TRAPPC9: variants seen among roughly 807,000 people sequenced by gnomAD.
TRAPPC9 encodes IKK2 binding protein.
A neutral mutation model predicts 124.0 loss-of-function variants in TRAPPC9; 83 were observed. The ratio of observed to expected loss-of-function variants is 0.67; its 90% CI spans 0.56 to 0.80. The LOEUF (loss-of-function observed/expected upper bound fraction) is 0.80. Among genes scored for constraint, TRAPPC9 ranks in the 30% least tolerant of loss-of-function variants. The pLI, the probability that TRAPPC9 is intolerant of heterozygous loss-of-function variation, is 0.00. For synonymous variants in TRAPPC9, 638 were observed against 617.5 expected, an observed-to-expected ratio of 1.03 and a Z score of -0.49; for missense variants, 1,302 against 1,508.3, an observed-to-expected ratio of 0.86 and a Z score of 2.27.
intron 21 of TRAPPC9, among the ~76,000 whole-genome samples, chr8:139,819,082 G>A (rs919769998): frequency 2.6e-5 from 4 of 152,174 alleles, no homozygotes; most frequent in African/African-American, 4.8e-5. Flanking sequence ...ACCCCACATC[G>A]TTTGTATTCC....
chr8:139,757,462 A>G (rs1819924392), intron 21 of TRAPPC9, among the ~76,000 whole-genome samples: 4 of 149,366 alleles, frequency 2.7e-5, no homozygotes, highest in South Asian at 4.3e-4. Context: ...TGAGGACAGC[A>G]GGTCGCAGGA....
At chr8:139,941,245 G>A (rs1223881476) in intron 19 of TRAPPC9, among the ~76,000 whole-genome samples, 4 of 152,200 alleles carry the variant, frequency 2.6e-5, no homozygotes, top group African/African-American at 4.8e-5. Context: ...CAGTCCACAC[G>A]CACCATGACC....
intron 17 of TRAPPC9, among the ~76,000 whole-genome samples, chr8:140,128,102 A>G (rs2061131373): frequency 6.6e-6 from 1 of 152,246 alleles, no homozygotes; most frequent in Non-Finnish European, 1.5e-5. Context: ...CAAAAGTTAG[A>G]ATTTACAATT....
intron 21 of TRAPPC9, among the ~76,000 whole-genome samples, chr8:139,744,747 T>G (rs76369947): frequency 6.8e-4 from 104 of 152,330 alleles, no homozygotes; most frequent in Non-Finnish European, 1.3e-3. Context: ...GGGAGGGCGG[T>G]GGTGCTGGCC....
intron 9 of TRAPPC9, among the ~76,000 whole-genome samples, chr8:140,329,048 GA>G (rs2066822575): frequency 6.6e-6 from 1 of 152,116 alleles, no homozygotes; most frequent in African/African-American, 2.4e-5. Flanking sequence ...GGGTAACTAG[GA>G]AAGTATACCG....
chr8:139,832,655 C>A (rs1826067433), intron 21 of TRAPPC9, among the ~76,000 whole-genome samples: 1 of 152,174 alleles, frequency 6.6e-6, no homozygotes, highest in African/African-American at 2.4e-5. Context: ...AGCACAGAGG[C>A]CTTCCCTCTG....
intron 18 of TRAPPC9, among the ~76,000 whole-genome samples, chr8:140,013,606 C>T (rs11997979): frequency 0.05 from 7,614 of 152,222 alleles, 613 homozygotes; most frequent in African/African-American, 0.17. Flanking sequence ...CTTCAGGATC[C>T]GCTGAGGTCA....
intron 16 of TRAPPC9, among the ~76,000 whole-genome samples, chr8:140,238,159 A>C (rs1379962269): frequency 2.0e-5 from 3 of 152,262 alleles, no homozygotes; most frequent in African/African-American, 7.2e-5. Context: ...TCAGTGGTCC[A>C]GGAGACGTCG....
intron 17 of TRAPPC9, among the ~76,000 whole-genome samples, chr8:140,070,508 C>T (rs1367298352): frequency 6.6e-6 from 1 of 152,124 alleles, no homozygotes; most frequent in Non-Finnish European, 1.5e-5. Flanking sequence ...ATTTTTCTTT[C>T]AATAATCGAC....
intron 20 of TRAPPC9, among the ~76,000 whole-genome samples, chr8:139,886,576 C>T (rs1020799877): frequency 6.6e-6 from 1 of 152,148 alleles, no homozygotes; most frequent in Non-Finnish European, 1.5e-5. Flanking sequence ...GATCTGTAAA[C>T]CTCTTTCCCT....
At chr8:139,994,898 G>C (rs375903469) in intron 18 of TRAPPC9, among the ~76,000 whole-genome samples, 4 of 151,912 alleles carry the variant, frequency 2.6e-5, no homozygotes, top group African/African-American at 7.2e-5. Flanking sequence ...AAGGTCATGG[G>C]GAAATACTCA....
chr8:140,277,580 G>A (rs994099713), intron 14 of TRAPPC9, among the ~76,000 whole-genome samples: 2 of 152,260 alleles, frequency 1.3e-5, no homozygotes, highest in African/African-American at 4.8e-5. Flanking sequence ...GGCAGTCACA[G>A]GGCCTGGGCC....
At chr8:139,888,622 C>T (rs1027763046) in intron 20 of TRAPPC9, among the ~76,000 whole-genome samples, 4 of 152,292 alleles carry the variant, frequency 2.6e-5, no homozygotes, top group African/African-American at 7.2e-5. Context: ...CTTACTCTCG[C>T]GCAAGCAATT....
intron 21 of TRAPPC9, among the ~76,000 whole-genome samples, chr8:139,840,978 T>A (rs147633735): frequency 6.6e-6 from 1 of 152,168 alleles, no homozygotes; most frequent in Non-Finnish European, 1.5e-5. Context: ...TAGTTTCCTA[T>A]TGCTGTGGTT....
At chr8:140,369,521 T>C (rs1294800999) in intron 8 of TRAPPC9, among the ~76,000 whole-genome samples, 2 of 152,208 alleles carry the variant, frequency 1.3e-5, no homozygotes, top group African/African-American at 4.8e-5. Context: ...AGGAGAAACA[T>C]AATGTTTAAT....
At chr8:139,865,669 C>A (rs1828479096) in intron 21 of TRAPPC9, among the ~76,000 whole-genome samples, 1 of 152,144 alleles carries the variant, frequency 6.6e-6, no homozygotes, top group African/African-American at 2.4e-5. Flanking sequence ...GCCACCCCTT[C>A]CCTCCCCAAA....
chr8:139,870,979 G>A lies in TRAPPC9; in HGVS notation c.3055+14900C>T, dbSNP rs73726689. Among the ~76,000 whole-genome samples the A allele has an allele frequency of 1.1e-3, 170 of 152,296 alleles. 1 individual carries two copies. The highest frequency in any genetic ancestry group is 3.6e-3 in the African/African-American group (149 of 41,572). On this transcript the variant is annotated intron_variant, in intron 21 of 22. Coordinates refer to ENST00000438773, the MANE Select transcript of TRAPPC9 (RefSeq NM_001160372.4). ...GTGGGGCAGTGCTGGGAGGCGGGCC[G>A]TCTCTCTTCGCTCCCACACTTACTC...
chr8:139,869,285 G>A (rs1053329649), intron 21 of TRAPPC9, among the ~76,000 whole-genome samples: 1 of 152,128 alleles, frequency 6.6e-6, no homozygotes. Context: ...AGGCAGGGGT[G>A]GTAGTTATAA....
chr8:139,963,321 G>A (rs1260793427), intron 19 of TRAPPC9, among the ~76,000 whole-genome samples: 1 of 152,146 alleles, frequency 6.6e-6, no homozygotes, highest in Non-Finnish European at 1.5e-5. Flanking sequence ...CCGGGCTACG[G>A]AAACAGCAGA....
Sources: allele counts gnomAD v4.1 joint callset (sites outside exome capture counted in the v4.1 genomes callset), GRCh38; gene constraint gnomAD v4.1.1; transcripts MANE v1.5; gene names NCBI Gene and HGNC (gene_info 2026-07-23, HGNC 2026-07-21).